Variants in ATP13A5 observed in about 807,000 individuals in gnomAD.
ATP13A5 encodes the protein ATPase 13A5, also known as probable cation-transporting ATPase 13A5.
In ATP13A5, 149 loss-of-function variants were observed where a neutral mutation model predicts 150.2. The ratio of observed to expected loss-of-function variants is 0.99; its 90% confidence interval spans 0.87 to 1.14. The LOEUF (loss-of-function observed/expected upper bound fraction) is 1.14, where lower values mean the gene tolerates loss of function less well. ATP13A5 is among the 50% of genes most tolerant of loss of function. The pLI, the probability that ATP13A5 is intolerant of heterozygous loss-of-function variation, is 0.00. For synonymous variants in ATP13A5, 497 were observed against 522.2 expected (o/e 0.95, Z 0.66); for missense variants, 1,383 against 1,449.3 (o/e 0.95, Z 0.74).
Position 193,332,129 on chromosome 3 carries a change from T to C in ATP13A5, c.1273-818A>G, listed in dbSNP as rs761775481. The stretch of plus-strand genomic sequence containing the variant: ...GACCCAGTGGGAGGTAATCGAATCA[T>C]GGGGGCAGTTTCCCCCATAATGTTG... On this transcript the variant is annotated intron_variant, in intron 11 of 29. Transcript: ENST00000342358. 2.6e-5 allele frequency among the ~76,000 whole-genome samples: 4 copies of C among 152,150 alleles called. 1 individual carries two copies. In the South Asian group the frequency reaches 6.2e-4, roughly 24 times the overall value.
At chr3:193,348,839 C>T (rs1712453367) in intron 7 of ATP13A5, among the ~76,000 whole-genome samples, 1 of 152,136 alleles carries the variant, frequency 6.6e-6, no homozygotes, top group East Asian at 1.9e-4. Context: ...ATTCATGAGT[C>T]ACTTTGAGAT....
At chr3:193,283,644 A>G (rs1427495706) in intron 27 of ATP13A5, among the ~76,000 whole-genome samples, 2 of 152,184 alleles carry the variant, frequency 1.3e-5, no homozygotes, top group Non-Finnish European at 2.9e-5. Flanking sequence ...AACAACTGAT[A>G]GAAGTGAAAA....
intron 11 of ATP13A5, among the ~76,000 whole-genome samples, chr3:193,333,045 C>T (rs1248189419): frequency 6.6e-6 from 1 of 152,054 alleles, no homozygotes; most frequent in Non-Finnish European, 1.5e-5. Context: ...ATTGAAATAA[C>T]TACTCAGCAG....
intron 19 of ATP13A5, chr3:193,312,636 A>T (rs1718899785): frequency 6.6e-6 from 1 of 152,174 alleles, no homozygotes; most frequent in Non-Finnish European, 1.5e-5. Context: ...ATAATTAATC[A>T]TGGTTTTTCA....
chr3:193,368,259 AC>A (rs1713317215), intron 1 of ATP13A5, among the ~76,000 whole-genome samples: 1 of 152,216 alleles, frequency 6.6e-6, no homozygotes, highest in Non-Finnish European at 1.5e-5. Context: ...AATAATTCTA[AC>A]AAAGTTGTAC....
chr3:193,348,552 G>A (rs1712440712), intron 7 of ATP13A5, among the ~76,000 whole-genome samples: 2 of 152,142 alleles, frequency 1.3e-5, no homozygotes, highest in Admixed American at 1.3e-4. Flanking sequence ...TGTTAGAAAG[G>A]GACGGAAGCG....
chr3:193,333,172 AACAC>A (rs57775933), intron 11 of ATP13A5, among the ~76,000 whole-genome samples: 108 of 143,242 alleles, frequency 7.5e-4, no homozygotes, highest in Admixed American at 1.1e-3. Context: ...CACACACACA[AACAC>A]ACACACACAC....
At chr3:193,302,677 C>T (rs538150529) in intron 23 of ATP13A5, among the ~76,000 whole-genome samples, 16 of 152,294 alleles carry the variant, frequency 1.1e-4, no homozygotes, top group Admixed American at 1.3e-4. Flanking sequence ...ATCACTAAGA[C>T]ACAGTCTCTG....
intron 9 of ATP13A5, among the ~76,000 whole-genome samples, chr3:193,343,412 A>G (rs1250976409): frequency 2.6e-5 from 4 of 152,338 alleles, no homozygotes; most frequent in South Asian, 4.1e-4. Flanking sequence ...ATAAATCTAA[A>G]GAACAGAACT....
At chr3:193,276,936 G>T in intron 28 of ATP13A5, 106 bp from the exon 29 acceptor site, 1 of 828,042 alleles carries the variant, frequency 1.2e-6, no homozygotes, top group Non-Finnish European at 1.9e-6. Flanking sequence ...TCTGAGCTTA[G>T]TGGTGGGCAT....
intron 11 of ATP13A5, among the ~76,000 whole-genome samples, chr3:193,332,546 T>C (rs1480143707): frequency 6.6e-6 from 1 of 152,246 alleles, no homozygotes; most frequent in African/African-American, 2.4e-5. Flanking sequence ...ACCATCATTT[T>C]AGCCATAAAT....
In ATP13A5 at chr3:193,331,119, A is replaced by C; in HGVS notation, c.1461+4T>G. ...ACATTAAACCTGAGAAGTCTGGATCATACTTTGTCAAAGCACACGAGGTTT... is the reference window on the plus strand; with the variant it reads ...ACATTAAACCTGAGAAGTCTGGATCCTACTTTGTCAAAGCACACGAGGTTT... On this transcript the variant is annotated splice_donor_region_variant and intron_variant, in intron 12 of 29. Coordinates refer to ENST00000342358, the MANE Select transcript of ATP13A5 (RefSeq NM_198505.4). 1 of 1,613,084 alleles carries C rather than the reference A, an allele frequency of 6.2e-7. No homozygotes were observed.
intron 23 of ATP13A5, among the ~76,000 whole-genome samples, chr3:193,305,183 C>CTA (rs1172214112): frequency 6.6e-6 from 1 of 152,160 alleles, no homozygotes; most frequent in East Asian, 1.9e-4. Context: ...TTTAGGGAAG[C>CTA]TATCTAATGA....
intron 26 of ATP13A5, among the ~76,000 whole-genome samples, chr3:193,286,866 C>T (rs1717744895): frequency 6.6e-6 from 1 of 152,098 alleles, no homozygotes; most frequent in Non-Finnish European, 1.5e-5. Context: ...CCTCTTGCAC[C>T]AGTTAGCCAA....
intron 3 of ATP13A5, 76 bp from the exon 4 acceptor site, chr3:193,362,713 C>T: frequency 7.7e-7 from 1 of 1,306,898 alleles, no homozygotes; most frequent in Non-Finnish European, 1.1e-6. Context: ...GTGTCCAATG[C>T]AGGATGCAGA....
intron 23 of ATP13A5, among the ~76,000 whole-genome samples, chr3:193,303,581 T>A (rs1718490566): frequency 1.3e-5 from 2 of 152,030 alleles, no homozygotes. Context: ...AAGGAGATAT[T>A]TCTCCTTTAA....
chr3:193,308,449 ACT>A (rs1718706068), intron 21 of ATP13A5, among the ~76,000 whole-genome samples: 1 of 152,000 alleles, frequency 6.6e-6, no homozygotes. Flanking sequence ...ACAAAGCGAG[ACT>A]CTGTCTCAAA....
chr3:193,352,182 G>A (rs1253806782), intron 6 of ATP13A5, among the ~76,000 whole-genome samples: 1 of 152,154 alleles, frequency 6.6e-6, no homozygotes, highest in Non-Finnish European at 1.5e-5. Context: ...CTGACATGTG[G>A]TAAATAAGTT....
Position 193,358,348 on chromosome 3 carries a change from G to A in ATP13A5, c.536+4033C>T, listed in dbSNP as rs532363144. 4.6e-5 allele frequency among the ~76,000 whole-genome samples: 7 copies of A among 152,280 alleles called. No individual in the cohort carries two copies. The South Asian group carries it at 1.5e-3, about 32-fold the overall frequency. On this transcript the variant is annotated intron_variant, in intron 5 of 29. Coordinates refer to ENST00000342358, the MANE Select transcript of ATP13A5 (RefSeq NM_198505.4). ...TAACACTCTTGTTTTATAAAGGGAG[G>A]AAGACCTAAGATATTCACAGATGCA...
Sources: gnomAD v4.1 joint callset for allele counts (sites outside exome capture counted in the v4.1 genomes callset) on GRCh38, gnomAD v4.1.1 for gene constraint, MANE v1.5 for transcripts, NCBI Gene and HGNC (gene_info 2026-07-23, HGNC 2026-07-21) for gene names.